PTPN13: variants seen among roughly 807,000 people sequenced by gnomAD.
PTPN13 encodes the protein tyrosine-protein phosphatase non-receptor type 13.
A neutral mutation model predicts 284.0 loss-of-function variants in PTPN13; 191 were observed. The ratio of observed to expected loss-of-function variants is 0.67; its 90% CI spans 0.60 to 0.76. The LOEUF (loss-of-function observed/expected upper bound fraction) is 0.76. Ranked by LOEUF, PTPN13 falls within the 30% of genes least tolerant of loss-of-function variation. PTPN13 has a pLI of 0.00. For missense variants in PTPN13, 2,797 were observed against 2,939.9 expected (o/e 0.95, Z 1.12); for synonymous variants, 986 against 1,022.3 (o/e 0.96, Z 0.68).
intron 3 of PTPN13, among the ~76,000 whole-genome samples, chr4:86,673,692 T>C (rs966357703): frequency 6.6e-5 from 10 of 152,172 alleles, no homozygotes; most frequent in Admixed American, 4.6e-4. Flanking sequence ...TGTGAGTCTC[T>C]AATTGGGGAG....
chr4:86,701,553 G>C lies in PTPN13; in HGVS notation c.947G>C (p.Gly316Ala). ...ACAGCTGACAGAGACTTCTCTTCAG[G>C]AGAGACTGCCACATATCGTCGTTGT... Reference protein sequence around the residue: ...LCTADRDFSSGETATYRRCHP... With the variant: ...LCTADRDFSSAETATYRRCHP... Residue 316 changes from glycine to alanine, a missense_variant, in exon 7 of 48, where the codon GGA becomes GCA. Coordinates refer to ENST00000411767, the MANE Select transcript of PTPN13 (RefSeq NM_080683.3). 1.2e-6 allele frequency: 2 copies of C among 1,613,920 alleles called. No homozygotes were observed. Among genetic ancestry groups the C allele is most frequent in the Non-Finnish European group, 8.5e-7 (1 of 1,179,832 alleles).
chr4:86,727,874 T>C, intron 10 of PTPN13, among the ~76,000 whole-genome samples: 1 of 149,540 alleles, frequency 6.7e-6, no homozygotes, highest in Admixed American at 6.7e-5. Flanking sequence ...ATTTGTTTGC[T>C]CTTGCTTCTC....
At chr4:86,661,995 T>TA (rs1169379898) in intron 2 of PTPN13, among the ~76,000 whole-genome samples, 3 of 151,650 alleles carry the variant, frequency 2.0e-5, no homozygotes, top group Admixed American at 6.6e-5. Flanking sequence ...CTTGCAAAAA[T>TA]AAAAAAAAAT....
rs1206379606 is a variant in PTPN13, at chr4:86,771,265, A to G, written c.4898A>G (p.Asn1633Ser). Residue 1633 changes from asparagine (N) to serine (S), a missense_variant, in exon 31 of 48, where the codon AAT (asparagine) becomes AGT (serine). Coordinates refer to ENST00000411767, the MANE Select transcript of PTPN13 (RefSeq NM_080683.3). ...GAGCAAAGCACCAGCTCAGATGAAAATGAAATGTCAGACAAAAGCAAAAAA... is the reference window on the plus strand; with the variant it reads ...GAGCAAAGCACCAGCTCAGATGAAAGTGAAATGTCAGACAAAAGCAAAAAA... ...CVEQSTSSDENEMSDKSKKQC... is the reference protein window; with the variant it reads ...CVEQSTSSDESEMSDKSKKQC... The G allele has an allele frequency of 1.2e-6, 2 of 1,608,292 alleles. No individual in the cohort carries two copies. Among genetic ancestry groups the G allele is most frequent in the East Asian group, 4.5e-5 (2 of 44,758 alleles).
At chr4:86,689,993 G>A (rs2148962112) in intron 5 of PTPN13, 1 of 368,634 alleles carries the variant, frequency 2.7e-6, no homozygotes, top group East Asian at 4.2e-5. Flanking sequence ...ATCGGTAGGG[G>A]TTTAGTTCCC....
intron 7 of PTPN13, among the ~76,000 whole-genome samples, chr4:86,708,638 G>T (rs1732027321): frequency 6.6e-6 from 1 of 152,044 alleles, no homozygotes; most frequent in Non-Finnish European, 1.5e-5. Context: ...ATCGAAAATG[G>T]ATCTTACTAA....
intron 32 of PTPN13, among the ~76,000 whole-genome samples, chr4:86,774,068 T>C (rs1740318842): frequency 6.6e-6 from 1 of 152,156 alleles, no homozygotes; most frequent in Non-Finnish European, 1.5e-5. Flanking sequence ...ATAACCACTA[T>C]TGTGTCCTTA....
In PTPN13 at chr4:86,799,087, T is replaced by C; in HGVS notation, c.6402-14T>C. Reference sequence around the variant, plus strand: ...AAATGAAGAAAATGTTTCAAATATGTTTTGTTTTCATAGCTTAATTCAGAA... The same window carrying C: ...AAATGAAGAAAATGTTTCAAATATGCTTTGTTTTCATAGCTTAATTCAGAA... On this transcript the variant is annotated splice_polypyrimidine_tract_variant and intron_variant, in intron 41 of 47. Coordinates refer to ENST00000411767, the MANE Select transcript of PTPN13 (RefSeq NM_080683.3). The C allele has an allele frequency of 6.8e-7, 1 of 1,478,714 alleles. No homozygotes were observed. Among genetic ancestry groups the C allele is most frequent in the Non-Finnish European group, 9.1e-7 (1 of 1,093,150 alleles). 91.6% of individuals were successfully genotyped at this position (1,478,714 alleles called of 1,614,324 possible). A position where few individuals can be genotyped will look rare whatever the true frequency, so the allele number is the denominator to read the frequency against.
Position 86,807,853 on chromosome 4 carries a change from C to T in PTPN13, c.7039C>T (p.Leu2347=). Reference sequence around the variant, plus strand: ...ACTGGCTCTTGTGAGAATGCAGCAGCTGAAGGGCTTTGTGGTGAGGGCAAT... The same window carrying T: ...ACTGGCTCTTGTGAGAATGCAGCAGTTGAAGGGCTTTGTGGTGAGGGCAAT... ...LRLALVRMQQ[L]KGFVVRAMTL... The change falls in exon 45 of 48, where the codon CTG becomes TTG. Residue 2347 remains leucine, a synonymous_variant. Transcript: ENST00000411767. 1 of 1,613,960 alleles carries T rather than the reference C, an allele frequency of 6.2e-7. No individual in the cohort carries two copies. Among genetic ancestry groups the T allele is most frequent in the Non-Finnish European group, 8.5e-7 (1 of 1,179,854 alleles).
At chr4:86,777,837 C>T (rs1740836076) in intron 35 of PTPN13, among the ~76,000 whole-genome samples, 1 of 152,092 alleles carries the variant, frequency 6.6e-6, no homozygotes, top group South Asian at 2.1e-4. Flanking sequence ...ATTGGATTGG[C>T]ATACAATTGT....
intron 45 of PTPN13, among the ~76,000 whole-genome samples, chr4:86,808,421 T>G (rs984191270): frequency 6.6e-6 from 1 of 152,258 alleles, no homozygotes; most frequent in African/African-American, 2.4e-5. Flanking sequence ...ATACCTGAAG[T>G]AAAGCTGCTA....
intron 6 of PTPN13, among the ~76,000 whole-genome samples, chr4:86,697,306 T>C (rs933125093): frequency 6.6e-6 from 1 of 152,034 alleles, no homozygotes; most frequent in African/African-American, 2.4e-5. Flanking sequence ...TAGTCTTTAA[T>C]AAAGAAAATG....
chr4:86,762,002 T>C (rs1738750208), intron 23 of PTPN13, among the ~76,000 whole-genome samples: 1 of 152,246 alleles, frequency 6.6e-6, no homozygotes, highest in Admixed American at 6.5e-5. Context: ...TGAGACAGTC[T>C]TGCCCTGTCA....
At chr4:86,631,037 A>T (rs982184545) in intron 1 of PTPN13, among the ~76,000 whole-genome samples, 8 of 152,250 alleles carry the variant, frequency 5.3e-5, no homozygotes, top group Middle Eastern at 3.4e-3. Flanking sequence ...TTTTCCAAAA[A>T]CTTTCTAGTT....
intron 35 of PTPN13, 22 bp downstream of exon 35, chr4:86,775,674 G>T: frequency 6.4e-7 from 1 of 1,567,004 alleles, no homozygotes. Context: ...TTATTTATGA[G>T]TTTTGATTGT....
intron 7 of PTPN13, among the ~76,000 whole-genome samples, chr4:86,704,391 AT>A (rs1731494903): frequency 6.6e-6 from 1 of 152,202 alleles, no homozygotes; most frequent in African/African-American, 2.4e-5. Context: ...TTATACCATA[AT>A]AGTCTATTTA....
intron 3 of PTPN13, among the ~76,000 whole-genome samples, chr4:86,679,802 G>A (rs1456764251): frequency 1.3e-5 from 2 of 152,146 alleles, no homozygotes; most frequent in African/African-American, 4.8e-5. Context: ...TGTCTCTTGT[G>A]GTCAGTGAGA....
chr4:86,646,259 A>G (rs181852120), intron 2 of PTPN13, among the ~76,000 whole-genome samples: 2 of 151,610 alleles, frequency 1.3e-5, no homozygotes, highest in East Asian at 3.9e-4. Flanking sequence ...GAATGAAAGG[A>G]AAAGACCTAC....
At chr4:86,715,869 G>T (rs777502588) in intron 7 of PTPN13, among the ~76,000 whole-genome samples, 6 of 152,156 alleles carry the variant, frequency 3.9e-5, no homozygotes, top group Non-Finnish European at 8.8e-5. Flanking sequence ...AGAGGGGATG[G>T]TTCAGAAATA....
Sources: allele counts gnomAD v4.1 joint callset (sites outside exome capture counted in the v4.1 genomes callset), GRCh38; gene constraint gnomAD v4.1.1; transcripts MANE v1.5; gene names NCBI Gene and HGNC (gene_info 2026-07-23, HGNC 2026-07-21).